PLEKHB2: variants seen among roughly 807,000 people sequenced by gnomAD.
PLEKHB2 encodes the protein pleckstrin homology domain containing B2.
Under a neutral mutation model 36.5 loss-of-function variants are expected in PLEKHB2, and 31 were observed. That is an observed-to-expected ratio of 0.85 (90% CI 0.64 to 1.15). The LOEUF (loss-of-function observed/expected upper bound fraction) is 1.15. Among genes scored for constraint, PLEKHB2 ranks in the 50% most tolerant of loss-of-function variants. The probability of loss-of-function intolerance (pLI) is 0.00; values close to 1 mark genes in which losing one functional copy is unlikely to be tolerated. For synonymous variants in PLEKHB2, 119 were observed against 112.0 expected (o/e 1.06, Z -0.39); for missense variants, 262 against 295.3 (o/e 0.89, Z 0.83).
At chr2:131,134,592 T>G (rs973901257) in intron 6 of PLEKHB2, among the ~76,000 whole-genome samples, 3 of 152,212 alleles carry the variant, frequency 2.0e-5, no homozygotes, top group African/African-American at 7.2e-5. Flanking sequence ...GTTACCTTCC[T>G]TTGATCCCAC....
Position 131,120,980 on chromosome 2 carries a change from T to C in PLEKHB2, c.37+2T>C. 2 of 1,613,948 alleles carry C rather than the reference T, an allele frequency of 1.2e-6. No homozygotes were observed. Among genetic ancestry groups the C allele is most frequent in the Non-Finnish European group, 1.7e-6 (2 of 1,179,830 alleles). ...AGAGTGGCTGGTTGCTGCGACAGAGTGAGTACAGGATGTGCGGTCTGCGAT... is the reference window on the plus strand; with the variant it reads ...AGAGTGGCTGGTTGCTGCGACAGAGCGAGTACAGGATGTGCGGTCTGCGAT... On this transcript the variant is annotated splice_donor_variant, in intron 2 of 7. Transcript: ENST00000693505. LOFTEE classifies it high-confidence loss of function.
rs1407892757 is a variant in PLEKHB2, at chr2:131,146,913, C to T, written c.*140C>T. On this transcript the variant is annotated 3_prime_UTR_variant, in exon 8 of 8. Coordinates refer to ENST00000693505, the MANE Select transcript of PLEKHB2 (RefSeq NM_001100623.2). Reference sequence around the variant, plus strand: ...TGAAAGTAGTGATGTCATAATTGTACTAATCCACATAAGTACCACAGAGAA... The same window carrying T: ...TGAAAGTAGTGATGTCATAATTGTATTAATCCACATAAGTACCACAGAGAA... 2 of 705,522 alleles carry T rather than the reference C, an allele frequency of 2.8e-6. No individual in the cohort carries two copies. Among genetic ancestry groups the T allele is most frequent in the Non-Finnish European group, 4.6e-6 (2 of 437,948 alleles). The allele number at this position is 705,522 out of a possible 1,614,324, so 43.7% of individuals were successfully genotyped here. A position where few individuals can be genotyped will look rare whatever the true frequency, so the allele number is the denominator to read the frequency against.
At position 131,136,612 on chromosome 2, in the gene PLEKHB2, T is replaced by A. The variant is rs80012415; in HGVS notation, c.424-3555T>A. On this transcript the variant is annotated intron_variant, in intron 6 of 7. Transcript: ENST00000693505. Reference sequence around the variant, plus strand: ...GCCTTGCATTCCCTGGAATAAAGCCTACTTGGTCATGGTGTATGATTCTTT... The same window carrying A: ...GCCTTGCATTCCCTGGAATAAAGCCAACTTGGTCATGGTGTATGATTCTTT... 5.9e-5 allele frequency among the ~76,000 whole-genome samples: 9 copies of A among 151,904 alleles called. No individual in the cohort carries two copies. The South Asian group carries it at 8.3e-4, about 14-fold the overall frequency.
rs1054413447 is a variant in PLEKHB2, at chr2:131,149,787, C to T, written c.*3014C>T. ...TAGAGAACTGATTTTTTCCTACATA[C>T]GCAAATTGTACATTTGTAAGTGAAA... On this transcript the variant is annotated 3_prime_UTR_variant, in exon 8 of 8. Transcript: ENST00000693505. 3.9e-5 allele frequency: 6 copies of T among 152,156 alleles called. No individual in the cohort carries two copies. Among genetic ancestry groups the T allele is most frequent in the Admixed American group, 6.5e-5 (1 of 15,276 alleles). 9.4% of individuals were successfully genotyped at this position (152,156 alleles called of 1,614,324 possible). A position where few individuals can be genotyped will look rare whatever the true frequency, so the allele number is the denominator to read the frequency against.
chr2:131,113,986 TTC>T (rs1695594130), intron 1 of PLEKHB2, among the ~76,000 whole-genome samples: 1 of 152,192 alleles, frequency 6.6e-6, no homozygotes, highest in South Asian at 2.1e-4. Context: ...GTGTTTTGGC[TTC>T]TGTTAGCACA....
chr2:131,111,800 T>C (rs747176678), intron 1 of PLEKHB2, among the ~76,000 whole-genome samples: 2 of 152,208 alleles, frequency 1.3e-5, no homozygotes, highest in Admixed American at 6.5e-5. Flanking sequence ...TGTAAAGTAA[T>C]ATTTTTAAAG....
At chr2:131,143,627 T>G (rs1178055008) in intron 7 of PLEKHB2, among the ~76,000 whole-genome samples, 1 of 152,256 alleles carries the variant, frequency 6.6e-6, no homozygotes, top group African/African-American at 2.4e-5. Context: ...GATGGCCTGT[T>G]GTGCTCTAAA....
At position 131,143,701 on chromosome 2, in the gene PLEKHB2, T is replaced by C. The variant is rs115922311; in HGVS notation, c.533-2936T>C. On this transcript the variant is annotated intron_variant, in intron 7 of 7. Coordinates refer to ENST00000693505, the MANE Select transcript of PLEKHB2 (RefSeq NM_001100623.2). Reference sequence around the variant, plus strand: ...GAGTTGCTTTAGTTTATATCACCTTTTATGAATAATTTTCCTTTGCACATT... The same window carrying C: ...GAGTTGCTTTAGTTTATATCACCTTCTATGAATAATTTTCCTTTGCACATT... 1.9e-3 allele frequency among the ~76,000 whole-genome samples: 292 copies of C among 152,334 alleles called. 1 individual carries two copies. The highest frequency in any genetic ancestry group is 6.1e-3 in the African/African-American group (252 of 41,576).
intron 1 of PLEKHB2, among the ~76,000 whole-genome samples, chr2:131,106,060 C>G (rs938427029): frequency 6.6e-6 from 1 of 152,140 alleles, no homozygotes; most frequent in Non-Finnish European, 1.5e-5. Flanking sequence ...TGTACCTTAT[C>G]TTACATATCT....
intron 1 of PLEKHB2, 83 bp from the exon 2 acceptor site, chr2:131,120,851 A>G: frequency 7.2e-7 from 1 of 1,385,596 alleles, no homozygotes; most frequent in Non-Finnish European, 1.0e-6. Context: ...CTGATGCTGA[A>G]GGGGATAAGG....
At chr2:131,106,694 C>T (rs1694771737) in intron 1 of PLEKHB2, among the ~76,000 whole-genome samples, 1 of 152,070 alleles carries the variant, frequency 6.6e-6, no homozygotes. Flanking sequence ...CTTGTCTGGG[C>T]TTCCTTTGTG....
At chr2:131,132,733 G>A (rs1313470399) in intron 5 of PLEKHB2, among the ~76,000 whole-genome samples, 169 bp from the exon 6 acceptor site, 3 of 152,192 alleles carry the variant, frequency 2.0e-5, no homozygotes, top group Non-Finnish European at 2.9e-5. Context: ...ACCAGAATAG[G>A]GGTGGGGGCC....
chr2:131,106,169 A>C (rs1403785456), intron 1 of PLEKHB2, among the ~76,000 whole-genome samples: 1 of 152,140 alleles, frequency 6.6e-6, no homozygotes, highest in Non-Finnish European at 1.5e-5. Context: ...TAAATCTCAA[A>C]TGTAGACCGG....
intron 1 of PLEKHB2, chr2:131,118,867 C>CAAAAAAAAAAAAAAAAAAAA (rs138450500): frequency 2.2e-5 from 1 of 45,210 alleles, no homozygotes; most frequent in Non-Finnish European, 3.9e-5. Context: ...GATTCCGTCT[C>CAAAAAAAAAAAAAAAAAAAA]AAAAAAAAAA....
At chr2:131,143,972 G>A (rs1436623300) in intron 7 of PLEKHB2, among the ~76,000 whole-genome samples, 1 of 152,166 alleles carries the variant, frequency 6.6e-6, no homozygotes, top group Non-Finnish European at 1.5e-5. Context: ...AATGCTTGCC[G>A]CCCACATAAG....
At chr2:131,133,153 T>C (rs762576228) in intron 6 of PLEKHB2, 162 bp downstream of exon 6, 4 of 607,884 alleles carry the variant, frequency 6.6e-6, no homozygotes, top group Non-Finnish European at 1.2e-5. Flanking sequence ...ATGAAGCAAC[T>C]ATTTTATATA....
At chr2:131,146,527 G>C (rs1242194417) in intron 7 of PLEKHB2, 110 bp from the exon 8 acceptor site, 1 of 1,164,606 alleles carries the variant, frequency 8.6e-7, no homozygotes, top group Non-Finnish European at 1.2e-6. Flanking sequence ...TGGGTCGCCA[G>C]TGTGACAGGA....
chr2:131,130,379 C>G (rs796332038), intron 4 of PLEKHB2, among the ~76,000 whole-genome samples: 15 of 152,154 alleles, frequency 9.9e-5, no homozygotes, highest in African/African-American at 3.6e-4. Context: ...AATTGCTAAT[C>G]TAAATTTTTT....
intron 1 of PLEKHB2, 33 bp from the exon 2 acceptor site, chr2:131,120,901 A>G: frequency 6.2e-7 from 1 of 1,608,254 alleles, no homozygotes; most frequent in South Asian, 1.1e-5. Context: ...CTTTCTGGGT[A>G]TGATTTTGAA....
Sources: gnomAD v4.1 joint callset for allele counts (sites outside exome capture counted in the v4.1 genomes callset) on GRCh38, gnomAD v4.1.1 for gene constraint, MANE v1.5 for transcripts, NCBI Gene and HGNC (gene_info 2026-07-23, HGNC 2026-07-21) for gene names.